The following ARPP21 variants were observed in gnomAD, a reference collection of about 807,000 sequenced individuals.
ARPP21 encodes cAMP regulated phosphoprotein 21, also known as cAMP-regulated phosphoprotein 21.
A neutral mutation model predicts 113.2 loss-of-function variants in ARPP21; 69 were observed. The ratio of observed to expected loss-of-function variants is 0.61; its 90% confidence interval spans 0.50 to 0.74. The LOEUF is 0.74. Among genes scored for constraint, ARPP21 ranks in the 30% least tolerant of loss-of-function variants. The pLI is 0.00. For synonymous variants in ARPP21, 368 were observed against 375.5 expected, an observed-to-expected ratio of 0.98 and a Z score of 0.23; for missense variants, 1,070 against 1,037.4, an observed-to-expected ratio of 1.03 and a Z score of -0.43.
chr3:35,771,098 C>T (rs999065021), intron 19 of ARPP21, among the ~76,000 whole-genome samples: 10 of 152,162 alleles, frequency 6.6e-5, no homozygotes, highest in Non-Finnish European at 1.3e-4. Flanking sequence ...CCCTGGGGCT[C>T]CACTTAGAAA....
intron 2 of ARPP21, among the ~76,000 whole-genome samples, chr3:35,680,177 C>A (rs2078492328): frequency 6.6e-6 from 1 of 151,950 alleles, no homozygotes; most frequent in African/African-American, 2.4e-5. Flanking sequence ...CTCTAAAAAA[C>A]AAGTTAGGGC....
At chr3:35,662,563 G>T (rs1173972888) in intron 1 of ARPP21, among the ~76,000 whole-genome samples, 1 of 152,192 alleles carries the variant, frequency 6.6e-6, no homozygotes, top group Non-Finnish European at 1.5e-5. Context: ...GCCAGAGGAT[G>T]AGGACAGCCT....
At chr3:35,743,661 A>G (rs890493816) in intron 18 of ARPP21, among the ~76,000 whole-genome samples, 178 bp from the exon 19 acceptor site, 7 of 152,230 alleles carry the variant, frequency 4.6e-5, no homozygotes, top group Non-Finnish European at 8.8e-5. Flanking sequence ...TAAGTTTGGG[A>G]AATGGATTTT....
At chr3:35,734,122 C>T (rs1250495295) in intron 15 of ARPP21, among the ~76,000 whole-genome samples, 1 of 152,088 alleles carries the variant, frequency 6.6e-6, no homozygotes, top group African/African-American at 2.4e-5. Flanking sequence ...TGTGTGTGCA[C>T]AGCATGAGAC....
At chr3:35,721,970 G>A (rs1576301953) in intron 14 of ARPP21, 136 bp downstream of exon 14, 1 of 630,736 alleles carries the variant, frequency 1.6e-6, no homozygotes, top group East Asian at 2.8e-5. Context: ...AAATCAGAAG[G>A]TACAATTTAA....
intron 19 of ARPP21, among the ~76,000 whole-genome samples, chr3:35,757,606 T>G (rs1002874104): frequency 2.0e-5 from 3 of 152,120 alleles, no homozygotes; most frequent in African/African-American, 7.2e-5. Flanking sequence ...TTGTTATGTT[T>G]TCTTTTATAT....
chr3:35,697,064 A>G (rs939545367), intron 9 of ARPP21, among the ~76,000 whole-genome samples: 4 of 151,630 alleles, frequency 2.6e-5, no homozygotes, highest in African/African-American at 7.3e-5. Context: ...GATCAGCCAC[A>G]GGCAATGAGA....
At chr3:35,643,585 A>G (rs1223019455) in intron 1 of ARPP21, 4 of 152,122 alleles carry the variant, frequency 2.6e-5, no homozygotes, top group South Asian at 2.1e-4. Flanking sequence ...GATAAGCTAC[A>G]TAAGTAGAGT....
At chr3:35,729,640 G>GGA in intron 15 of ARPP21, 104 bp downstream of exon 15, 1 of 1,026,254 alleles carries the variant, frequency 9.7e-7, no homozygotes. Flanking sequence ...TTCCTGAACA[G>GGA]GAAAGCTAGT....
intron 15 of ARPP21, among the ~76,000 whole-genome samples, chr3:35,731,092 A>G (rs972607117): frequency 6.6e-6 from 1 of 152,212 alleles, no homozygotes; most frequent in African/African-American, 2.4e-5. Context: ...TTTAATTGAG[A>G]TAGAGGGCTT....
At position 35,793,976 on chromosome 3, in the gene ARPP21, C is replaced by T. The variant is rs2096796234; in HGVS notation, c.*18C>T. ...AATTCTGAGAGCTCTGGCTGTGGTA[C>T]ATTTCTTCAGATATTTCTCATGGCC... On this transcript the variant is annotated 3_prime_UTR_variant, in exon 21 of 21. Transcript: ENST00000684406. 6.2e-7 allele frequency: 1 copy of T among 1,602,600 alleles called. No homozygotes were observed.
At chr3:35,707,465 T>G (rs1307474545) in intron 10 of ARPP21, 4 of 470,408 alleles carry the variant, frequency 8.5e-6, no homozygotes, top group South Asian at 4.6e-5. Context: ...GTCCTTCAGT[T>G]GTGCACAAAT....
chr3:35,741,702 T>C (rs2094671404), intron 18 of ARPP21, among the ~76,000 whole-genome samples: 1 of 152,234 alleles, frequency 6.6e-6, no homozygotes, highest in East Asian at 1.9e-4. Flanking sequence ...CTCCATATTT[T>C]AACATGATTG....
chr3:35,762,217 T>C (rs2095810314), intron 19 of ARPP21, among the ~76,000 whole-genome samples: 2 of 151,828 alleles, frequency 1.3e-5, no homozygotes, highest in African/African-American at 4.8e-5. Context: ...GAGTCAATTG[T>C]TATTCTTCAA....
intron 8 of ARPP21, among the ~76,000 whole-genome samples, 186 bp from the exon 9 acceptor site, chr3:35,690,679 C>T (rs1024681211): frequency 6.6e-6 from 1 of 151,524 alleles, no homozygotes; most frequent in Non-Finnish European, 1.5e-5. Flanking sequence ...TTTATTGTGG[C>T]TTAATCAATA....
chr3:35,721,152 T>C (rs2093027887), intron 13 of ARPP21, among the ~76,000 whole-genome samples: 2 of 152,334 alleles, frequency 1.3e-5, no homozygotes, highest in Non-Finnish European at 2.9e-5. Context: ...CATTTTTCCA[T>C]TGACAATTAT....
chr3:35,710,675 C>T (rs894563246), intron 11 of ARPP21, among the ~76,000 whole-genome samples: 3 of 152,048 alleles, frequency 2.0e-5, no homozygotes, highest in African/African-American at 7.2e-5. Flanking sequence ...ATAAAATGCA[C>T]ATGCAATATT....
At chr3:35,740,051 A>G (rs1559808323) in intron 18 of ARPP21, among the ~76,000 whole-genome samples, 1 of 152,212 alleles carries the variant, frequency 6.6e-6, no homozygotes, top group Non-Finnish European at 1.5e-5. Context: ...CTCTATGAAT[A>G]TAAAGGAGGA....
chr3:35,755,664 C>T (rs1267159677), intron 19 of ARPP21, among the ~76,000 whole-genome samples: 4 of 152,006 alleles, frequency 2.6e-5, no homozygotes, highest in Admixed American at 6.6e-5. Context: ...TCTTGTTCAC[C>T]GTGGTATCCC....
Sources: gnomAD v4.1 joint callset for allele counts (sites outside exome capture counted in the v4.1 genomes callset) on GRCh38, gnomAD v4.1.1 for gene constraint, MANE v1.5 for transcripts, NCBI Gene and HGNC (gene_info 2026-07-23, HGNC 2026-07-21) for gene names.